MTHFD2L: variants seen among roughly 807,000 people sequenced by gnomAD.
MTHFD2L encodes the protein methylenetetrahydrofolate dehydrogenase (NADP+ dependent) 2 like, also known as bifunctional methylenetetrahydrofolate dehydrogenase/cyclohydrolase 2, mitochondrial.
MTHFD2L carries 29 observed loss-of-function variants against 34.9 expected under a neutral mutation model. The ratio of observed to expected loss-of-function variants is 0.83; its 90% CI spans 0.62 to 1.13. The LOEUF is 1.13. Ranked by LOEUF, MTHFD2L falls within the 50% of genes most tolerant of loss-of-function variation. The pLI, the probability that MTHFD2L is intolerant of heterozygous loss-of-function variation, is 0.00. For synonymous variants in MTHFD2L, 167 were observed against 155.7 expected, an observed-to-expected ratio of 1.07 and a Z score of -0.54; for missense variants, 481 against 446.5, an observed-to-expected ratio of 1.08 and a Z score of -0.70.
rs115374567 is a variant in MTHFD2L at position 74,235,784 on chromosome 4, G to A, written c.805+10390G>A. Among the ~76,000 whole-genome samples the A allele has an allele frequency of 3.9e-5, 6 of 152,020 alleles. No individual in the cohort carries two copies. The South Asian group carries it at 8.3e-4, about 21-fold the overall frequency. ...ATTCCAGCATCTACTTCAATTGATC[G>A]TATAAGAAAAAAACTGGTATTTTTA... On this transcript the variant is annotated intron_variant, in intron 6 of 7. Coordinates refer to ENST00000325278, the MANE Select transcript of MTHFD2L (RefSeq NM_001144978.3).
At position 74,225,382 on chromosome 4, in the gene MTHFD2L, A is replaced by G. The variant is rs772883027; in HGVS notation, c.793A>G (p.Ile265Val). The change falls in exon 6 of 8, where the codon ATA (isoleucine) becomes GTA (valine). Residue 265 changes from isoleucine to valine, a missense_variant. Ile to Val is a conservative substitution (Grantham distance 29). Transcript: ENST00000325278. Reference sequence around the variant, plus strand: ...TCATACGCAGCTGGCAGATATTATCATAGTTGCTGCAGGTAAGTCCTTAGT... The same window carrying G: ...TCATACGCAGCTGGCAGATATTATCGTAGTTGCTGCAGGTAAGTCCTTAGT... ...KIHTQLADII[I>V]VAAGIPKLIT... The G allele has an allele frequency of 3.1e-6, 5 of 1,612,804 alleles. No homozygotes were observed. Among genetic ancestry groups the G allele is most frequent in the Non-Finnish European group, 4.2e-6 (5 of 1,179,070 alleles).
intron 1 of MTHFD2L, among the ~76,000 whole-genome samples, chr4:74,146,563 A>C (rs1197619575): frequency 6.6e-6 from 1 of 152,142 alleles, no homozygotes; most frequent in Non-Finnish European, 1.5e-5. Context: ...TTTCTTTATG[A>C]ATTTAACTAC....
At chr4:74,291,003 C>CTTTTTTTTTTTTTTTTTTTGTTT (rs1748856863) in intron 7 of MTHFD2L, among the ~76,000 whole-genome samples, 1 of 29,272 alleles carries the variant, frequency 3.4e-5, no homozygotes, top group Non-Finnish European at 6.5e-5. Context: ...TTTTCCTTTT[C>CTTTTTTTTTTTTTTTTTTTGTTT]TTTTTTTTTT....
chr4:74,217,579 G>A (rs756781318), intron 5 of MTHFD2L, among the ~76,000 whole-genome samples: 2 of 151,698 alleles, frequency 1.3e-5, no homozygotes, highest in Non-Finnish European at 2.9e-5. Flanking sequence ...TCCGTATCCC[G>A]AGAAAGTGAC....
At chr4:74,223,927 A>G (rs1738675532) in intron 5 of MTHFD2L, 1 of 152,108 alleles carries the variant, frequency 6.6e-6, no homozygotes. Flanking sequence ...GAACAGCTTC[A>G]TCACTCCCCA....
intron 1 of MTHFD2L, among the ~76,000 whole-genome samples, chr4:74,163,196 T>A (rs1189587600): frequency 1.3e-5 from 2 of 152,212 alleles, no homozygotes; most frequent in Admixed American, 6.5e-5. Flanking sequence ...CCACAAAACA[T>A]CATCTGCACA....
At chr4:74,293,437 C>G in intron 7 of MTHFD2L, 4 of 739,562 alleles carry the variant, frequency 5.4e-6, no homozygotes, top group Non-Finnish European at 5.0e-6. Context: ...AAAGTAAATA[C>G]ATTTCTACCA....
chr4:74,184,094 C>T (rs1730693813), intron 3 of MTHFD2L, among the ~76,000 whole-genome samples: 1 of 151,888 alleles, frequency 6.6e-6, no homozygotes, highest in Non-Finnish European at 1.5e-5. Flanking sequence ...GCTAATAAGC[C>T]AACAGATAAG....
chr4:74,199,802 G>A lies in MTHFD2L; in HGVS notation c.460G>A (p.Asp154Asn). 2 of 1,608,290 alleles carry A rather than the reference G, an allele frequency of 1.2e-6. No individual in the cohort carries two copies. The highest frequency in any genetic ancestry group is 8.5e-7 in the Non-Finnish European group (1 of 1,177,338). ...TTTTATTTATTTTTCAGACCACGTT[G>A]ATGAGCGAACAATATGCAATGGAAT... is the stretch of plus-strand genomic sequence containing the variant. Reference protein sequence around the residue: ...LVQLPLPDHVDERTICNGIAP... With the variant: ...LVQLPLPDHVNERTICNGIAP... Residue 154 changes from aspartate to asparagine, a missense_variant, in exon 4 of 8, where the codon GAT (aspartate) becomes AAT (asparagine). Asp to Asn is a conservative substitution (Grantham distance 23). Transcript: ENST00000325278.
At position 74,158,133 on chromosome 4, in the gene MTHFD2L, G is replaced by T; in HGVS notation, c.-6G>T. The T allele has an allele frequency of 6.5e-7, 1 of 1,530,850 alleles. No individual in the cohort carries two copies. Among genetic ancestry groups the T allele is most frequent in the Non-Finnish European group, 8.8e-7 (1 of 1,141,582 alleles). 94.8% of individuals were successfully genotyped at this position (1,530,850 alleles called of 1,614,324 possible). On this transcript the variant is annotated 5_prime_UTR_variant, in exon 1 of 8. Coordinates refer to ENST00000325278, the MANE Select transcript of MTHFD2L (RefSeq NM_001144978.3). ...GCCCCAGTCCGGAAGCCGGGGATCC[G>T]CGGCCATGACGGTGCCGGTCCGCGG...
chr4:74,142,336 T>C (rs935319087), intron 1 of MTHFD2L, among the ~76,000 whole-genome samples: 1 of 152,198 alleles, frequency 6.6e-6, no homozygotes, highest in Non-Finnish European at 1.5e-5. Context: ...AGTGGGGCCT[T>C]TGGGAGGTAA....
chr4:74,156,219 G>A (rs1463207902), upstream of MTHFD2L, among the ~76,000 whole-genome samples: 1 of 152,042 alleles, frequency 6.6e-6, no homozygotes, highest in Non-Finnish European at 1.5e-5. Flanking sequence ...AACCCTCTGT[G>A]CTACACACTA....
At chr4:74,134,331 G>A (rs1044026877) in intron 1 of MTHFD2L, among the ~76,000 whole-genome samples, 2 of 152,122 alleles carry the variant, frequency 1.3e-5, no homozygotes, top group Non-Finnish European at 2.9e-5. Flanking sequence ...GAACACACCC[G>A]TGGCCGGCCT....
At chr4:74,232,093 C>T (rs1740154094) in intron 6 of MTHFD2L, among the ~76,000 whole-genome samples, 1 of 152,164 alleles carries the variant, frequency 6.6e-6, no homozygotes, top group South Asian at 2.1e-4. Flanking sequence ...TATTAAGCTA[C>T]AACTTAGCAT....
intron 5 of MTHFD2L, among the ~76,000 whole-genome samples, chr4:74,221,379 TAAAC>T (rs1223599840): frequency 1.3e-5 from 2 of 151,798 alleles, no homozygotes; most frequent in African/African-American, 2.4e-5. Context: ...AAAAATAAAT[TAAAC>T]AAATACAATA....
At chr4:74,169,993 C>T (rs1203800787) in intron 1 of MTHFD2L, among the ~76,000 whole-genome samples, 1 of 152,082 alleles carries the variant, frequency 6.6e-6, no homozygotes, top group African/African-American at 2.4e-5. Context: ...AGGTTTAAAC[C>T]TTCCCAGAAA....
chr4:74,217,953 C>T (rs1297597586), intron 5 of MTHFD2L, among the ~76,000 whole-genome samples: 1 of 152,030 alleles, frequency 6.6e-6, no homozygotes, highest in African/African-American at 2.4e-5. Flanking sequence ...CCTTCACCTG[C>T]CCCATGCCCT....
Position 74,170,967 on chromosome 4 carries a change from G to A in MTHFD2L, c.144-3539G>A, listed in dbSNP as rs535835606. ...CACAGGAAGGGGAACATCACACTTC[G>A]GGGACTGTTGTGGGGTGGGGGGAGG... On this transcript the variant is annotated intron_variant, in intron 1 of 7. Coordinates refer to ENST00000325278, the MANE Select transcript of MTHFD2L (RefSeq NM_001144978.3). Among the ~76,000 whole-genome samples the A allele has an allele frequency of 6.2e-5, 8 of 128,378 alleles. No homozygotes were observed. The South Asian group carries it at 9.7e-4, about 16-fold the overall frequency. 84.2% of individuals were successfully genotyped at this position (128,378 alleles called of 152,430 possible). A position where few individuals can be genotyped will look rare whatever the true frequency, so the allele number is the denominator to read the frequency against.
intron 5 of MTHFD2L, among the ~76,000 whole-genome samples, chr4:74,207,675 A>G (rs1735576500): frequency 6.6e-6 from 1 of 152,118 alleles, no homozygotes; most frequent in Non-Finnish European, 1.5e-5. Context: ...TTTTTCTTCA[A>G]GAGGCACCCT....
Sources: gnomAD v4.1 joint callset for allele counts (sites outside exome capture counted in the v4.1 genomes callset) on GRCh38, gnomAD v4.1.1 for gene constraint, MANE v1.5 for transcripts, NCBI Gene and HGNC (gene_info 2026-07-23, HGNC 2026-07-21) for gene names.